TMEM236: variants seen among roughly 807,000 people sequenced by gnomAD.
TMEM236 encodes family with sequence similarity 23, member A.
TMEM236 carries 11 observed loss-of-function variants against 14.7 expected under a neutral mutation model. The observed-to-expected ratio is 0.75, with a 90% CI of 0.47 to 1.24. The LOEUF is 1.24. Among genes scored for constraint, TMEM236 ranks in the 50% most tolerant of loss-of-function variants. TMEM236 has a pLI of 0.00. For missense variants in TMEM236, 464 were observed against 427.3 expected, an observed-to-expected ratio of 1.09 and a Z score of -0.76; for synonymous variants, 182 against 168.6, an observed-to-expected ratio of 1.08 and a Z score of -0.62.
At chr10:17,777,841 C>A (rs1209069621) in intron 3 of TMEM236, among the ~76,000 whole-genome samples, 11 of 151,802 alleles carry the variant, frequency 7.2e-5, no homozygotes, top group Non-Finnish European at 1.2e-4. Context: ...TGGGTTTAAG[C>A]AATTCTCCTG....
At chr10:17,768,733 G>A (rs1440327213) in intron 1 of TMEM236, among the ~76,000 whole-genome samples, 1 of 149,592 alleles carries the variant, frequency 6.7e-6, no homozygotes, top group East Asian at 1.9e-4. Flanking sequence ...ACTCATGTGT[G>A]TGTGTGTGTG....
At chr10:17,754,419 G>T (rs1407481223) in intron 1 of TMEM236, among the ~76,000 whole-genome samples, 2 of 151,882 alleles carry the variant, frequency 1.3e-5, no homozygotes, top group African/African-American at 4.8e-5. Context: ...CTCCCCAGGG[G>T]GCTCAGGTGA....
In TMEM236 at chr10:17,796,212, CT is replaced by C. The variant is rs1367466619; in HGVS notation, c.765del (p.Gly256ValfsTer37). Reference protein sequence around the residue: ...WSDTIEMVRVAGHPNVYKSSW... With the variant: ...WSDTIEMVRVXGHPNVYKSSW... The stretch of plus-strand genomic sequence containing the variant: ...GACACGATAGAAATGGTGCGTGTGG[CT>C]GGTCACCCCAACGTGTACAAGTCAA... On this transcript the variant is annotated frameshift_variant, in exon 4 of 4. Transcript: ENST00000377495. LOFTEE classifies it low-confidence loss of function (END_TRUNC). The C allele has an allele frequency of 6.2e-7, 1 of 1,613,868 alleles. No individual in the cohort carries two copies. The highest frequency in any genetic ancestry group is 1.3e-5 in the African/African-American group (1 of 74,932).
At chr10:17,788,297 A>G (rs1046878677) in intron 3 of TMEM236, among the ~76,000 whole-genome samples, 2 of 151,574 alleles carry the variant, frequency 1.3e-5, no homozygotes, top group African/African-American at 2.4e-5. Context: ...GAAGGACCAC[A>G]ATATGAATGA....
intron 1 of TMEM236, among the ~76,000 whole-genome samples, chr10:17,763,141 C>T (rs1470212586): frequency 1.3e-5 from 2 of 152,054 alleles, no homozygotes; most frequent in Non-Finnish European, 2.9e-5. Context: ...TTTATGTGAC[C>T]CACCACTAGT....
chr10:17,796,428 T>C lies in TMEM236; in HGVS notation c.980T>C (p.Val327Ala). ...PVLGLCKNIL[V>A]TLSYIYFNYL... is the part of the protein sequence containing the mutation. The stretch of plus-strand genomic sequence containing the variant: ...CTGGGCCTGTGTAAAAATATCCTCG[T>C]GACTCTCTCTTACATTTACTTCAAT... Residue 327 changes from valine to alanine, a missense_variant, in exon 4 of 4, where the codon GTG becomes GCG. By Grantham distance (64) the Val-to-Ala change is moderately conservative. Transcript: ENST00000377495. The C allele has an allele frequency of 1.2e-6, 2 of 1,613,868 alleles. No homozygotes were observed. Among genetic ancestry groups the C allele is most frequent in the Non-Finnish European group, 1.7e-6 (2 of 1,179,836 alleles).
chr10:17,759,564 G>A (rs1837326580), intron 1 of TMEM236, among the ~76,000 whole-genome samples: 1 of 152,174 alleles, frequency 6.6e-6, no homozygotes, highest in African/African-American at 2.4e-5. Flanking sequence ...AGTAGTAGCT[G>A]TTGTAGTTGC....
In TMEM236 at chr10:17,773,049, C is replaced by A. The variant is rs1026176613; in HGVS notation, c.330+1668C>A. On this transcript the variant is annotated intron_variant, in intron 2 of 3. Transcript: ENST00000377495. Reference sequence around the variant, plus strand: ...AGAGTATTACATTTTATGAAAAGATCATAATTTACTTATCTGTTCTACTCT... The same window carrying A: ...AGAGTATTACATTTTATGAAAAGATAATAATTTACTTATCTGTTCTACTCT... Among the ~76,000 whole-genome samples, 4 of 152,262 alleles carry A rather than the reference C, an allele frequency of 2.6e-5. No individual in the cohort carries two copies. The East Asian group carries it at 7.7e-4, about 29-fold the overall frequency.
intron 3 of TMEM236, among the ~76,000 whole-genome samples, chr10:17,780,973 G>T (rs1837737947): frequency 6.6e-6 from 1 of 152,112 alleles, no homozygotes; most frequent in Non-Finnish European, 1.5e-5. Context: ...GAAAAGGCTG[G>T]TCACCCCACC....
At position 17,763,851 on chromosome 10, in the gene TMEM236, A is replaced by T. The variant is rs1052167042; in HGVS notation, c.258-7458A>T. Among the ~76,000 whole-genome samples the T allele has an allele frequency of 2.9e-3, 441 of 152,316 alleles. 1 individual carries two copies. The highest frequency in any genetic ancestry group is 9.8e-3 in the African/African-American group (407 of 41,572). On this transcript the variant is annotated intron_variant, in intron 1 of 3. Coordinates refer to ENST00000377495, the MANE Select transcript of TMEM236 (RefSeq NM_001098844.3). ...GTCCTCAAGACCTGGATTAGAATTCATCTTTCACTTCCCAGCCACAGGATC... is the reference window on the plus strand; with the variant it reads ...GTCCTCAAGACCTGGATTAGAATTCTTCTTTCACTTCCCAGCCACAGGATC...
intron 1 of TMEM236, among the ~76,000 whole-genome samples, chr10:17,756,139 C>T (rs1457819998): frequency 2.6e-5 from 4 of 152,034 alleles, no homozygotes; most frequent in East Asian, 3.9e-4. Flanking sequence ...TGGTGGTGCA[C>T]GCCTGTAGTC....
At chr10:17,787,876 T>A (rs1165336872) in intron 3 of TMEM236, among the ~76,000 whole-genome samples, 1 of 152,196 alleles carries the variant, frequency 6.6e-6, no homozygotes, top group Non-Finnish European at 1.5e-5. Flanking sequence ...CTGGGATTGC[T>A]AGCTCATGTC....
Position 17,797,759 on chromosome 10 carries a change from G to C in TMEM236, c.*1255G>C, listed in dbSNP as rs1554836540. The C allele has an allele frequency of 6.6e-6, 1 of 152,116 alleles. No individual in the cohort carries two copies. The highest frequency in any genetic ancestry group is 2.4e-5 in the African/African-American group (1 of 41,420). 9.4% of individuals were successfully genotyped at this position (152,116 alleles called of 1,614,324 possible). A position where few individuals can be genotyped will look rare whatever the true frequency, so the allele number is the denominator to read the frequency against. On this transcript the variant is annotated 3_prime_UTR_variant, in exon 4 of 4. Transcript: ENST00000377495. ...ATTTGGCTCAGTTTAAGGCTTAGCT[G>C]TATTGCCAGTACTGAAGTACTAATA...
At chr10:17,787,268 G>T (rs1478256729) in intron 3 of TMEM236, among the ~76,000 whole-genome samples, 9 of 152,228 alleles carry the variant, frequency 5.9e-5, no homozygotes, top group Non-Finnish European at 1.3e-4. Flanking sequence ...GGCACCCTCT[G>T]TGGGGCCTGA....
chr10:17,790,649 A>G (rs1837911179), intron 3 of TMEM236, among the ~76,000 whole-genome samples: 1 of 152,228 alleles, frequency 6.6e-6, no homozygotes, highest in Non-Finnish European at 1.5e-5. Flanking sequence ...TATTATGACT[A>G]CCACTGCTTT....
intron 1 of TMEM236, among the ~76,000 whole-genome samples, chr10:17,762,586 T>TATATATATATATATATATATATATAC: frequency 1.6e-5 from 1 of 63,976 alleles, no homozygotes; most frequent in African/African-American, 1.2e-4. Context: ...TATATATATA[T>TATATATATATATATATATATATATAC]ATATATATAT....
chr10:17,763,294 G>A (rs1030803576), intron 1 of TMEM236, among the ~76,000 whole-genome samples: 5 of 152,002 alleles, frequency 3.3e-5, no homozygotes, highest in East Asian at 1.9e-4. Flanking sequence ...TCTACAGGAC[G>A]TTAAAAAAAA....
Position 17,796,098 on chromosome 10 carries a change from A to G in TMEM236, c.650A>G (p.Glu217Gly), listed in dbSNP as rs1329742543. The change falls in exon 4 of 4, where the codon GAG (glutamate) becomes GGG (glycine). Residue 217 changes from glutamate to glycine, a missense_variant. Coordinates refer to ENST00000377495, the MANE Select transcript of TMEM236 (RefSeq NM_001098844.3). ...SQESVFMGPQ[E>G]PSCDSGILRM... Reference sequence around the variant, plus strand: ...GAGTCTGTGTTCATGGGACCCCAGGAGCCCTCCTGTGACTCCGGAATCCTG... The same window carrying G: ...GAGTCTGTGTTCATGGGACCCCAGGGGCCCTCCTGTGACTCCGGAATCCTG... 7.4e-6 allele frequency: 12 copies of G among 1,613,822 alleles called. No homozygotes were observed. Among genetic ancestry groups the G allele is most frequent in the Non-Finnish European group, 1.0e-5 (12 of 1,179,854 alleles).
chr10:17,764,203 A>G (rs1036120834), intron 1 of TMEM236, among the ~76,000 whole-genome samples: 5 of 152,154 alleles, frequency 3.3e-5, no homozygotes, highest in African/African-American at 1.2e-4. Flanking sequence ...TGCTTCCTCT[A>G]TGAGAAATCT....
Sources: gnomAD v4.1 joint callset for allele counts (sites outside exome capture counted in the v4.1 genomes callset) on GRCh38, gnomAD v4.1.1 for gene constraint, MANE v1.5 for transcripts, NCBI Gene and HGNC (gene_info 2026-07-23, HGNC 2026-07-21) for gene names.